Variants in HDAC9 observed in about 807,000 individuals in gnomAD.
HDAC9 encodes the protein MEF-2 interacting transcription repressor (MITR) protein.
HDAC9 carries 41 observed loss-of-function variants against 139.4 expected under a neutral mutation model. That is an observed-to-expected ratio of 0.29 (90% CI 0.23 to 0.38). HDAC9 has a LOEUF of 0.38. HDAC9 is among the 10% of genes least tolerant of loss of function. The probability of loss-of-function intolerance (pLI) is 1.00; values close to 1 mark genes in which losing one functional copy is unlikely to be tolerated. For missense variants in HDAC9, 1,147 were observed against 1,297.0 expected (o/e 0.88, Z 1.78); for synonymous variants, 517 against 476.2 (o/e 1.09, Z -1.12).
chr7:18,088,619 T>A lies in HDAC9; in HGVS notation c.-97+1406T>A, dbSNP rs576990782. ...TGCATTTAAGAAATCAGCAATCATGTTTAAAAGATATCTTTTGACCTTCTT... is the reference window on the plus strand; with the variant it reads ...TGCATTTAAGAAATCAGCAATCATGATTAAAAGATATCTTTTGACCTTCTT... On this transcript the variant is annotated intron_variant, in intron 1 of 12. Coordinates refer to the HDAC9 transcript ENST00000417496. 5.0e-4 allele frequency among the ~76,000 whole-genome samples: 76 copies of A among 152,362 alleles called. No individual in the cohort carries two copies. The Middle Eastern group carries it at 0.014, about 27-fold the overall frequency.
intron 24 of HDAC9, among the ~76,000 whole-genome samples, chr7:18,961,256 G>A (rs1020471736): frequency 6.6e-6 from 1 of 152,230 alleles, no homozygotes; most frequent in African/African-American, 2.4e-5. Context: ...CCTGCAAATC[G>A]AAAGATCACT....
intron 22 of HDAC9, among the ~76,000 whole-genome samples, chr7:18,887,395 G>A (rs1800255110): frequency 6.6e-6 from 1 of 152,132 alleles, no homozygotes; most frequent in Admixed American, 6.5e-5. Flanking sequence ...ACAGGATTTG[G>A]AATCGGTTGA....
intron 1 of HDAC9, among the ~76,000 whole-genome samples, chr7:18,094,287 G>C (rs1782359906): frequency 6.6e-6 from 1 of 152,166 alleles, no homozygotes; most frequent in Admixed American, 6.5e-5. Context: ...GCACACTGTA[G>C]CTCAGGAAGT....
chr7:18,826,477 A>C (rs1441027965), intron 17 of HDAC9, among the ~76,000 whole-genome samples: 1 of 152,160 alleles, frequency 6.6e-6, no homozygotes, highest in Non-Finnish European at 1.5e-5. Flanking sequence ...TGACTGAGAA[A>C]AAGTTTGTTG....
At position 18,887,733 on chromosome 7, in the gene HDAC9, CATA is replaced by C. The variant is rs1314172549; in HGVS notation, c.2803+13140_2803+13142del. 3.3e-5 allele frequency among the ~76,000 whole-genome samples: 5 copies of C among 152,236 alleles called. No individual in the cohort carries two copies. In the South Asian group the frequency reaches 8.3e-4, roughly 25 times the overall value. On this transcript the variant is annotated intron_variant, in intron 22 of 25. Transcript: ENST00000686413. Reference sequence around the variant, plus strand: ...TATTTAGTTATTTTTAAATGTTTAACATAATTATTTTATATTTCTAAAAACATT... The same window carrying C: ...TATTTAGTTATTTTTAAATGTTTAACATTATTTTATATTTCTAAAAACATT...
At chr7:18,602,242 G>T (rs935550029) in intron 6 of HDAC9, among the ~76,000 whole-genome samples, 1 of 151,936 alleles carries the variant, frequency 6.6e-6, no homozygotes, top group Admixed American at 6.6e-5. Flanking sequence ...TCAGTATAGA[G>T]TTATTCATAA....
At chr7:18,332,978 T>C (rs1430856367) in intron 1 of HDAC9, among the ~76,000 whole-genome samples, 1 of 151,618 alleles carries the variant, frequency 6.6e-6, no homozygotes, top group African/African-American at 2.4e-5. Flanking sequence ...CCTTAATTTA[T>C]TTTATGCCAA....
At chr7:18,523,358 A>G (rs1805700122) in intron 2 of HDAC9, among the ~76,000 whole-genome samples, 1 of 152,198 alleles carries the variant, frequency 6.6e-6, no homozygotes, top group Non-Finnish European at 1.5e-5. Flanking sequence ...CCAGCAAGGA[A>G]TAGGGAGAGA....
At chr7:18,124,410 A>T (rs891829116) in intron 1 of HDAC9, among the ~76,000 whole-genome samples, 2 of 152,216 alleles carry the variant, frequency 1.3e-5, no homozygotes, top group African/African-American at 4.8e-5. Flanking sequence ...GAGGTGGGAT[A>T]GATTTGTTTA....
chr7:18,751,667 C>A (rs952693548), intron 14 of HDAC9, among the ~76,000 whole-genome samples: 4 of 151,998 alleles, frequency 2.6e-5, no homozygotes, highest in Non-Finnish European at 5.9e-5. Context: ...ACTTTAATGG[C>A]AGATGGACAT....
chr7:18,152,207 A>T (rs1786832744), intron 1 of HDAC9, among the ~76,000 whole-genome samples: 1 of 152,076 alleles, frequency 6.6e-6, no homozygotes. Context: ...TCTCACATAT[A>T]TTGAGCAGTA....
intron 1 of HDAC9, among the ~76,000 whole-genome samples, chr7:18,101,865 A>T (rs1782881314): frequency 6.6e-6 from 1 of 152,194 alleles, no homozygotes. Context: ...TTTTTTAAGG[A>T]TAGAAGCCAA....
chr7:18,386,737 C>G (rs1442581169), intron 1 of HDAC9, among the ~76,000 whole-genome samples: 1 of 152,194 alleles, frequency 6.6e-6, no homozygotes, highest in Admixed American at 6.5e-5. Flanking sequence ...GCTATAGTTT[C>G]AAGCAATCTA....
chr7:18,774,598 A>T (rs1790597615), intron 16 of HDAC9, among the ~76,000 whole-genome samples: 1 of 152,058 alleles, frequency 6.6e-6, no homozygotes, highest in Non-Finnish European at 1.5e-5. Context: ...AATCCTAATG[A>T]TCATCTGAGC....
At chr7:18,640,358 A>T (rs1009723824) in intron 8 of HDAC9, among the ~76,000 whole-genome samples, 176 of 10,502 alleles carry the variant, frequency 0.017, 1 homozygote, top group African/African-American at 0.063. Context: ...ATCCTGTCTT[A>T]AAAAAAAAAA....
intron 1 of HDAC9, among the ~76,000 whole-genome samples, chr7:18,158,471 C>G (rs1177893320): frequency 2.6e-5 from 4 of 152,188 alleles, no homozygotes; most frequent in Non-Finnish European, 5.9e-5. Flanking sequence ...TACAGCTCTG[C>G]TCAAGTGGTC....
chr7:18,610,525 A>C (rs1272599209), intron 6 of HDAC9, among the ~76,000 whole-genome samples: 1 of 152,130 alleles, frequency 6.6e-6, no homozygotes, highest in Non-Finnish European at 1.5e-5. Flanking sequence ...AGCTTATCTC[A>C]CTTGCGCCCT....
chr7:18,358,629 T>C (rs912084420), intron 1 of HDAC9, among the ~76,000 whole-genome samples: 3 of 152,246 alleles, frequency 2.0e-5, no homozygotes, highest in African/African-American at 7.2e-5. Flanking sequence ...TACCTACATA[T>C]CCTTTGATAT....
intron 2 of HDAC9, among the ~76,000 whole-genome samples, chr7:18,565,829 G>T (rs951677752): frequency 6.6e-6 from 1 of 151,700 alleles, no homozygotes; most frequent in African/African-American, 2.4e-5. Flanking sequence ...AGTATTCTAA[G>T]ATATTTATAA....
Sources: gnomAD v4.1 joint callset for allele counts (sites outside exome capture counted in the v4.1 genomes callset) on GRCh38, gnomAD v4.1.1 for gene constraint, MANE v1.5 for transcripts, NCBI Gene and HGNC (gene_info 2026-07-23, HGNC 2026-07-21) for gene names.